Variants in KCNMA1 observed in about 807,000 individuals in gnomAD.
KCNMA1 encodes Calcium-activated potassium channel subunit alpha-1.
In KCNMA1, 29 loss-of-function variants were observed where a neutral mutation model predicts 140.0. The observed-to-expected ratio is 0.21, with a 90% CI of 0.15 to 0.28. KCNMA1 has a LOEUF of 0.28. Ranked by LOEUF, KCNMA1 falls within the 10% of genes least tolerant of loss-of-function variation. The probability of loss-of-function intolerance (pLI) is 1.00; values close to 1 mark genes in which losing one functional copy is unlikely to be tolerated. For synonymous variants in KCNMA1, 612 were observed against 611.9 expected (o/e 1.00, Z 0.00); for missense variants, 880 against 1,602.2 (o/e 0.55, Z 7.70).
At chr10:77,249,381 G>A (rs1397072001) in intron 3 of KCNMA1, 3 of 151,926 alleles carry the variant, frequency 2.0e-5, no homozygotes, top group Non-Finnish European at 4.4e-5. Context: ...AGGATCTACA[G>A]AACAAAAGAC....
At chr10:77,213,346 G>T (rs1237713516) in intron 3 of KCNMA1, among the ~76,000 whole-genome samples, 1 of 152,068 alleles carries the variant, frequency 6.6e-6, no homozygotes, top group Non-Finnish European at 1.5e-5. Flanking sequence ...TACTCCACAG[G>T]AATCAAAGGC....
chr10:77,244,812 G>GA (rs397724833), intron 3 of KCNMA1, among the ~76,000 whole-genome samples: 1 of 3,366 alleles, frequency 3.0e-4, no homozygotes, highest in Non-Finnish European at 4.1e-4. Flanking sequence ...AGGGAGACAA[G>GA]ACTTCCCATT....
intron 1 of KCNMA1, among the ~76,000 whole-genome samples, chr10:77,481,708 G>C (rs2098399329): frequency 2.0e-5 from 3 of 151,016 alleles, no homozygotes; most frequent in African/African-American, 4.9e-5. Flanking sequence ...CCTGGAGGCA[G>C]AGCTTGCAGT....
chr10:77,067,751 A>G (rs2153692419), intron 14 of KCNMA1, among the ~76,000 whole-genome samples: 1 of 152,332 alleles, frequency 6.6e-6, no homozygotes, highest in Admixed American at 6.5e-5. Flanking sequence ...CTGCTTTTGC[A>G]GAGCTGGGCA....
intron 1 of KCNMA1, among the ~76,000 whole-genome samples, chr10:77,554,832 G>A (rs17413503): frequency 0.18 from 26,726 of 151,832 alleles, 2,444 homozygotes; most frequent in Middle Eastern, 0.24. Flanking sequence ...CAACCATTAC[G>A]GCCCATTTTC....
chr10:77,179,262 C>G (rs1329853882), intron 5 of KCNMA1, among the ~76,000 whole-genome samples: 1 of 152,140 alleles, frequency 6.6e-6, no homozygotes, highest in African/African-American at 2.4e-5. Context: ...AAGATGTGGA[C>G]TGAGTTGGTG....
At chr10:77,153,199 A>G (rs540238329) in intron 5 of KCNMA1, among the ~76,000 whole-genome samples, 1 of 152,314 alleles carries the variant, frequency 6.6e-6, no homozygotes, top group South Asian at 2.1e-4. Context: ...ATGTATGCCA[A>G]CTTTCAGTGT....
intron 2 of KCNMA1, among the ~76,000 whole-genome samples, chr10:77,319,610 C>A (rs1445322956): frequency 6.6e-6 from 1 of 152,188 alleles, no homozygotes; most frequent in African/African-American, 2.4e-5. Context: ...TCTTTCTGGG[C>A]AATTGTAGGA....
At chr10:77,439,047 GGCGACAGA>G (rs1180050576) in intron 1 of KCNMA1, among the ~76,000 whole-genome samples, 7 of 150,820 alleles carry the variant, frequency 4.6e-5, no homozygotes, top group Non-Finnish European at 1.0e-4. Context: ...CTCCAGCCTG[GGCGACAGA>G]GCGAGACTCT....
intron 2 of KCNMA1, among the ~76,000 whole-genome samples, chr10:77,298,789 C>A (rs1255229369): frequency 6.6e-6 from 1 of 152,154 alleles, no homozygotes; most frequent in Non-Finnish European, 1.5e-5. Context: ...CCAGTGCCCG[C>A]CAGAGTGATG....
intron 22 of KCNMA1, among the ~76,000 whole-genome samples, chr10:76,947,122 G>A (rs2152915801): frequency 6.6e-6 from 1 of 152,104 alleles, no homozygotes; most frequent in Non-Finnish European, 1.5e-5. Flanking sequence ...ATCACCTGAG[G>A]TCAGGAGTTT....
chr10:77,211,217 C>T (rs2045949297), intron 3 of KCNMA1, among the ~76,000 whole-genome samples: 1 of 152,064 alleles, frequency 6.6e-6, no homozygotes, highest in African/African-American at 2.4e-5. Flanking sequence ...TATAAGGCTA[C>T]AGTAACCAAA....
chr10:77,590,502 AC>A (rs1487383223), intron 1 of KCNMA1, among the ~76,000 whole-genome samples: 1 of 152,196 alleles, frequency 6.6e-6, no homozygotes, highest in Non-Finnish European at 1.5e-5. Context: ...CGCTGAGCCC[AC>A]ACCCACCCGG....
At chr10:77,506,373 T>A (rs1472303521) in intron 1 of KCNMA1, among the ~76,000 whole-genome samples, 1 of 152,156 alleles carries the variant, frequency 6.6e-6, no homozygotes, top group Non-Finnish European at 1.5e-5. Flanking sequence ...AAGATCATTC[T>A]AATATCAAAA....
At chr10:76,991,530 A>T (rs149966689) in intron 19 of KCNMA1, among the ~76,000 whole-genome samples, 239 of 152,308 alleles carry the variant, frequency 1.6e-3, no homozygotes, top group African/African-American at 4.9e-3. Flanking sequence ...ACTATATAGT[A>T]AGTTGCTGCT....
intron 19 of KCNMA1, among the ~76,000 whole-genome samples, chr10:76,987,056 T>G (rs932467829): frequency 4.4e-4 from 59 of 135,394 alleles, no homozygotes; most frequent in African/African-American, 1.6e-3. Context: ...TCTCTAGCCT[T>G]GAGACTTTTT....
intron 2 of KCNMA1, among the ~76,000 whole-genome samples, chr10:77,275,871 T>C (rs1418117670): frequency 6.6e-6 from 1 of 152,044 alleles, no homozygotes; most frequent in African/African-American, 2.4e-5. Context: ...CCCTGGGAGG[T>C]TATGCCCGCT....
chr10:77,263,000 A>G (rs183346895), intron 2 of KCNMA1, among the ~76,000 whole-genome samples: 1 of 152,334 alleles, frequency 6.6e-6, no homozygotes, highest in East Asian at 1.9e-4. Context: ...TGCATATTTT[A>G]CTGCAATTTA....
chr10:77,472,964 G>A (rs2098197776), intron 1 of KCNMA1, among the ~76,000 whole-genome samples: 1 of 152,290 alleles, frequency 6.6e-6, no homozygotes, highest in African/African-American at 2.4e-5. Flanking sequence ...GGTGAGTTTG[G>A]CAAACCAAAA....
Sources: gnomAD v4.1 joint callset for allele counts (sites outside exome capture counted in the v4.1 genomes callset) on GRCh38, gnomAD v4.1.1 for gene constraint, MANE v1.5 for transcripts, NCBI Gene and HGNC (gene_info 2026-07-23, HGNC 2026-07-21) for gene names.